Variants in PHACTR1 observed in about 807,000 individuals in gnomAD.
PHACTR1 encodes the protein RPEL repeat containing 1.
Under a neutral mutation model 69.2 loss-of-function variants are expected in PHACTR1, and 16 were observed. The ratio of observed to expected loss-of-function variants is 0.23; its 90% confidence interval spans 0.16 to 0.35. PHACTR1 has a LOEUF of 0.35. Ranked by LOEUF, PHACTR1 falls within the 10% of genes least tolerant of loss-of-function variation. The pLI, the probability that PHACTR1 is intolerant of heterozygous loss-of-function variation, is 1.00. For synonymous variants in PHACTR1, 312 were observed against 284.5 expected, an observed-to-expected ratio of 1.10 and a Z score of -0.97; for missense variants, 510 against 734.7, an observed-to-expected ratio of 0.69 and a Z score of 3.54.
chr6:13,055,084 A>G (rs760834995), intron 5 of PHACTR1, among the ~76,000 whole-genome samples: 5 of 152,202 alleles, frequency 3.3e-5, no homozygotes, highest in Admixed American at 1.3e-4. Flanking sequence ...ATAACATAGA[A>G]AATCTGCAGA....
intron 4 of PHACTR1, among the ~76,000 whole-genome samples, chr6:12,948,966 G>A (rs1790970792): frequency 6.6e-6 from 1 of 152,066 alleles, no homozygotes; most frequent in South Asian, 2.1e-4. Context: ...TGTGACATTG[G>A]GGTACAAAGA....
chr6:13,271,885 A>G lies in PHACTR1; in HGVS notation c.1392-975A>G, dbSNP rs553174619. ...TATAGACACCAGTTTCTAATACCCA[A>G]GGAGGGACTGCAACTTCCTCAACTA... is the stretch of plus-strand genomic sequence containing the variant. On this transcript the variant is annotated intron_variant, in intron 10 of 14. Transcript: ENST00000332995. Among the ~76,000 whole-genome samples the G allele has an allele frequency of 7.9e-5, 12 of 152,208 alleles. No individual in the cohort carries two copies. In the South Asian group the frequency reaches 2.5e-3, roughly 32 times the overall value.
chr6:13,195,863 G>A (rs1177538265), intron 7 of PHACTR1, among the ~76,000 whole-genome samples: 2 of 151,408 alleles, frequency 1.3e-5, no homozygotes, highest in Non-Finnish European at 2.9e-5. Context: ...ACAGCCATAC[G>A]GCACAAGGAC....
At chr6:12,965,114 G>C (rs767897951) in intron 4 of PHACTR1, among the ~76,000 whole-genome samples, 97 of 152,148 alleles carry the variant, frequency 6.4e-4, no homozygotes, top group Non-Finnish European at 1.2e-3. Flanking sequence ...TATGTAAATA[G>C]TTGTTATACT....
At chr6:12,764,946 G>A (rs950809081) in intron 4 of PHACTR1, among the ~76,000 whole-genome samples, 1 of 152,000 alleles carries the variant, frequency 6.6e-6, no homozygotes, top group Non-Finnish European at 1.5e-5. Context: ...GCACAGACGT[G>A]GGTTTGAATT....
intron 4 of PHACTR1, among the ~76,000 whole-genome samples, chr6:12,867,475 C>T (rs937067370): frequency 6.6e-6 from 1 of 152,092 alleles, no homozygotes; most frequent in Non-Finnish European, 1.5e-5. Context: ...TAATGAATTC[C>T]AGCTCAGTTA....
At chr6:13,238,966 T>C (rs1431657298) in intron 10 of PHACTR1, among the ~76,000 whole-genome samples, 1 of 152,188 alleles carries the variant, frequency 6.6e-6, no homozygotes, top group Non-Finnish European at 1.5e-5. Flanking sequence ...AGGCCATGCT[T>C]GTAGGCCTAG....
At chr6:12,753,195 C>T (rs952767647) in intron 4 of PHACTR1, among the ~76,000 whole-genome samples, 2 of 152,194 alleles carry the variant, frequency 1.3e-5, no homozygotes, top group Admixed American at 1.3e-4. Context: ...AGAATGAACC[C>T]ATCACTGACA....
At chr6:13,042,425 C>G (rs1419547651) in intron 4 of PHACTR1, among the ~76,000 whole-genome samples, 1 of 152,136 alleles carries the variant, frequency 6.6e-6, no homozygotes, top group African/African-American at 2.4e-5. Flanking sequence ...GAGTAGGATC[C>G]TAGGGTTCAT....
chr6:13,205,481 GGTGTCCATGA>G (rs1447856542), intron 7 of PHACTR1, among the ~76,000 whole-genome samples: 3 of 152,136 alleles, frequency 2.0e-5, no homozygotes, highest in Non-Finnish European at 2.9e-5. Flanking sequence ...ACAGTCCATG[GGTGTCCATGA>G]GCAGAAGAGC....
At position 12,780,249 on chromosome 6, in the gene PHACTR1, C is replaced by G. The variant is rs73722826; in HGVS notation, c.250+30459C>G. 3.5e-3 allele frequency among the ~76,000 whole-genome samples: 523 copies of G among 147,572 alleles called. 1 individual carries two copies. Among genetic ancestry groups the G allele is most frequent in the Middle Eastern group, 7.0e-3 (2 of 284 alleles). Reference sequence around the variant, plus strand: ...GGAAACATATATATATATCTTTTCTCTGTGTGTGTGTGTGTGTGTGTGTGT... The same window carrying G: ...GGAAACATATATATATATCTTTTCTGTGTGTGTGTGTGTGTGTGTGTGTGT... On this transcript the variant is annotated intron_variant, in intron 4 of 14. Coordinates refer to ENST00000332995, the MANE Select transcript of PHACTR1 (RefSeq NM_030948.6).
At chr6:12,780,002 C>T (rs1459634495) in intron 4 of PHACTR1, among the ~76,000 whole-genome samples, 1 of 151,886 alleles carries the variant, frequency 6.6e-6, no homozygotes, top group Non-Finnish European at 1.5e-5. Context: ...ATGTGTGTGC[C>T]CACCCTACTC....
In PHACTR1 at chr6:12,747,549, C is replaced by T. The variant is rs557612738; in HGVS notation, c.104-2095C>T. ...GGCATGGTGGTGCATGCCTGTAATC[C>T]TAGCTACTCAGGAGGCTTGGGTGGG... On this transcript the variant is annotated intron_variant, in intron 3 of 14. Transcript: ENST00000332995. 9.9e-5 allele frequency among the ~76,000 whole-genome samples: 15 copies of T among 152,112 alleles called. No homozygotes were observed. In the South Asian group the frequency reaches 3.1e-3, roughly 32 times the overall value.
chr6:13,270,046 GC>G (rs979107131), intron 10 of PHACTR1, among the ~76,000 whole-genome samples: 21 of 152,132 alleles, frequency 1.4e-4, no homozygotes, highest in African/African-American at 4.8e-4. Flanking sequence ...CCACAGAACT[GC>G]CCCCACTTCA....
chr6:13,177,392 T>TAC (rs1420224173), intron 6 of PHACTR1, among the ~76,000 whole-genome samples: 115 of 147,948 alleles, frequency 7.8e-4, no homozygotes, highest in East Asian at 2.4e-3. Context: ...TATATATATA[T>TAC]ACACACACAC....
intron 4 of PHACTR1, among the ~76,000 whole-genome samples, chr6:12,907,926 A>C (rs1489357316): frequency 6.6e-6 from 1 of 152,202 alleles, no homozygotes; most frequent in South Asian, 2.1e-4. Flanking sequence ...GTATAATGGA[A>C]CATCAATGTC....
chr6:13,079,097 A>G (rs1431496178), intron 5 of PHACTR1, among the ~76,000 whole-genome samples: 17 of 152,216 alleles, frequency 1.1e-4, no homozygotes, highest in Admixed American at 1.0e-3. Context: ...TTCCAGATCC[A>G]CCTTCATCCT....
At chr6:12,924,776 GAAAA>G (rs10533765) in intron 4 of PHACTR1, among the ~76,000 whole-genome samples, 4 of 134,296 alleles carry the variant, frequency 3.0e-5, no homozygotes, top group Admixed American at 7.5e-5. Context: ...CTCTGTCCCG[GAAAA>G]AAAAAAAAAA....
intron 4 of PHACTR1, among the ~76,000 whole-genome samples, chr6:12,849,514 A>G (rs767679209): frequency 6.6e-6 from 1 of 152,108 alleles, no homozygotes; most frequent in Non-Finnish European, 1.5e-5. Context: ...GCACACAGTA[A>G]TGGTAGTGGA....
Sources: allele counts gnomAD v4.1 joint callset (sites outside exome capture counted in the v4.1 genomes callset), GRCh38; gene constraint gnomAD v4.1.1; transcripts MANE v1.5; gene names NCBI Gene and HGNC (gene_info 2026-07-23, HGNC 2026-07-21).